SLC43A2: variants seen among roughly 807,000 people sequenced by gnomAD.
SLC43A2 encodes the protein solute carrier family 43 member 2, also known as large neutral amino acids transporter small subunit 4.
In SLC43A2, 38 loss-of-function variants were observed where a neutral mutation model predicts 63.2. The observed-to-expected ratio is 0.60, with a 90% confidence interval of 0.46 to 0.79. SLC43A2 has a LOEUF of 0.79. SLC43A2 is among the 30% of genes least tolerant of loss of function. The pLI is 0.00. For missense variants in SLC43A2, 644 were observed against 756.2 expected (o/e 0.85, Z 1.74); for synonymous variants, 322 against 331.0 (o/e 0.97, Z 0.30).
intron 5 of SLC43A2, among the ~76,000 whole-genome samples, chr17:1,604,216 T>A (rs1567634746): frequency 6.7e-6 from 1 of 150,356 alleles, no homozygotes; most frequent in African/African-American, 2.4e-5. Context: ...GCCCAGCTAA[T>A]TTTTTTTTTG....
intron 5 of SLC43A2, among the ~76,000 whole-genome samples, chr17:1,598,117 C>T (rs756097961): frequency 2.6e-5 from 4 of 151,820 alleles, no homozygotes; most frequent in Non-Finnish European, 4.4e-5. Context: ...GCACAGCCGG[C>T]GCAAAGAAAG....
chr17:1,589,521 C>T (rs1440105876), intron 9 of SLC43A2, among the ~76,000 whole-genome samples: 1 of 152,182 alleles, frequency 6.6e-6, no homozygotes, highest in Non-Finnish European at 1.5e-5. Flanking sequence ...GTTCACATCA[C>T]TGCACTCCAG....
chr17:1,575,203 C>T lies in SLC43A2; in HGVS notation c.*401G>A, dbSNP rs1057123. The stretch of plus-strand genomic sequence containing the variant: ...GCAAGCCTTTGTCCTCAGGCAGGTA[C>T]GGCTGTGGGCATGCAGCCGAGGGGC... On this transcript the variant is annotated 3_prime_UTR_variant, in exon 14 of 14. Coordinates refer to ENST00000301335, the MANE Select transcript of SLC43A2 (RefSeq NM_152346.3). 28,222 of 311,278 alleles carry T rather than the reference C, an allele frequency of 0.091. 1,476 individuals are homozygous for T. The highest frequency in any genetic ancestry group is 0.17 in the Admixed American group (3,375 of 20,394). The allele number at this position is 311,278 out of a possible 1,614,324, so 19.3% of individuals were successfully genotyped here. A position where few individuals can be genotyped will look rare whatever the true frequency, so the allele number is the denominator to read the frequency against.
chr17:1,586,928 T>TCACCCCCCCC, intron 9 of SLC43A2: 1 of 1,232,914 alleles, frequency 8.1e-7, no homozygotes, highest in Non-Finnish European at 1.1e-6. Flanking sequence ...TCCCTGACAA[T>TCACCCCCCCC]CCCCCCCACC....
At chr17:1,616,390 C>A in intron 3 of SLC43A2, 172 bp downstream of exon 3, 1 of 664,330 alleles carries the variant, frequency 1.5e-6, no homozygotes, top group Non-Finnish European at 2.5e-6. Context: ...CGGCGAGGAC[C>A]ACAGTACCTG....
In SLC43A2 at chr17:1,575,891, G is replaced by T. The variant is rs529564557; in HGVS notation, c.1549-126C>A. ...GTGGAAGGGGGAACGAAACAGGAAG[G>T]CCCACGAGGTCCCATATGCCAGCGT... On this transcript the variant is annotated intron_variant, in intron 13 of 13. Transcript: ENST00000301335. The T allele has an allele frequency of 1.4e-5, 16 of 1,106,294 alleles. No homozygotes were observed. The Admixed American group carries it at 4.1e-4, about 28-fold the overall frequency. The allele number at this position is 1,106,294 out of a possible 1,614,324, so 68.5% of individuals were successfully genotyped here.
intron 5 of SLC43A2, among the ~76,000 whole-genome samples, chr17:1,600,152 A>ATATATATATATATATATATATTT (rs1216616243): frequency 3.3e-5 from 2 of 60,280 alleles, no homozygotes; most frequent in Non-Finnish European, 6.4e-5. Context: ...ATATATATAT[A>ATATATATATATATATATATATTT]TTTTTTTTTT....
upstream of SLC43A2, among the ~76,000 whole-genome samples, chr17:1,629,829 C>T (rs1363899599): frequency 1.3e-5 from 2 of 152,204 alleles, no homozygotes; most frequent in African/African-American, 4.8e-5. Flanking sequence ...GCCCGGGCTC[C>T]GAAAGCTCAG....
intron 5 of SLC43A2, among the ~76,000 whole-genome samples, chr17:1,597,516 G>C (rs1481460699): frequency 9.0e-6 from 1 of 111,602 alleles, no homozygotes; most frequent in African/African-American, 3.5e-5. Flanking sequence ...AAAAAGAAAT[G>C]AGGCCGGGCG....
At position 1,606,331 on chromosome 17, in the gene SLC43A2, A is replaced by G. The variant is rs1906612068; in HGVS notation, c.501+6864T>C. On this transcript the variant is annotated intron_variant, in intron 5 of 13. Coordinates refer to ENST00000301335, the MANE Select transcript of SLC43A2 (RefSeq NM_152346.3). This position sits in a 1 kb window ranked among gnomAD's most constrained non-coding sequence, Gnocchi z 4.7. Reference sequence around the variant, plus strand: ...CTGAAGAGGGATGTTTATCCTCTTCACTTCCCTCAGATCCCACCTCCCATG... The same window carrying G: ...CTGAAGAGGGATGTTTATCCTCTTCGCTTCCCTCAGATCCCACCTCCCATG... Among the ~76,000 whole-genome samples the G allele has an allele frequency of 6.6e-6, 1 of 152,142 alleles. No homozygotes were observed. Among genetic ancestry groups the G allele is most frequent in the Non-Finnish European group, 1.5e-5 (1 of 68,026 alleles).
intron 5 of SLC43A2, among the ~76,000 whole-genome samples, chr17:1,599,679 C>T (rs1477769896): frequency 3.4e-5 from 5 of 147,750 alleles, no homozygotes; most frequent in South Asian, 2.2e-4. Flanking sequence ...CCAGCCTGGG[C>T]AACACAGTTA....
At chr17:1,590,073 A>G (rs1904602533) in intron 9 of SLC43A2, among the ~76,000 whole-genome samples, 2 of 152,184 alleles carry the variant, frequency 1.3e-5, no homozygotes, top group South Asian at 2.1e-4. Flanking sequence ...CAAGGAAACC[A>G]TCGGAAAAAG....
chr17:1,596,899 C>G (rs1905329030), intron 5 of SLC43A2, among the ~76,000 whole-genome samples: 1 of 152,224 alleles, frequency 6.6e-6, no homozygotes, highest in African/African-American at 2.4e-5. Context: ...TGAGATACCA[C>G]TTGATACCCA....
intron 5 of SLC43A2, among the ~76,000 whole-genome samples, chr17:1,596,500 A>C (rs1905284636): frequency 6.6e-6 from 1 of 152,252 alleles, no homozygotes; most frequent in East Asian, 1.9e-4. Flanking sequence ...AGAATATATA[A>C]ACATAGTGCC....
At chr17:1,596,611 G>A (rs1440395437) in intron 5 of SLC43A2, among the ~76,000 whole-genome samples, 6 of 151,412 alleles carry the variant, frequency 4.0e-5, no homozygotes, top group Admixed American at 1.3e-4. Context: ...ATGGAGTCTC[G>A]CTCTGTCTCC....
At position 1,616,622 on chromosome 17, in the gene SLC43A2, G is replaced by A. The variant is rs1452388274; in HGVS notation, c.308C>T (p.Thr103Ile). 1.9e-6 allele frequency: 3 copies of A among 1,614,126 alleles called. No individual in the cohort carries two copies. Among genetic ancestry groups the A allele is most frequent in the Non-Finnish European group, 2.5e-6 (3 of 1,180,002 alleles). The change falls in exon 3 of 14, where the codon ACC becomes ATC. Residue 103 changes from threonine (T) to isoleucine (I), a missense_variant. Transcript: ENST00000301335. The stretch of plus-strand genomic sequence containing the variant: ...GTCCATGACGATACCCAGGGGCAGG[G>A]TGATGGCACTGAGCAGAAAGGAGCC... The part of the protein sequence containing the change: ...TVGSFLLSAI[T>I]LPLGIVMDKY...
intron 3 of SLC43A2, among the ~76,000 whole-genome samples, chr17:1,615,707 G>A (rs1907567685): frequency 1.3e-5 from 2 of 148,932 alleles, no homozygotes; most frequent in African/African-American, 4.9e-5. Context: ...GCCGGGCGTG[G>A]TGGCAGGCGC....
intron 2 of SLC43A2, among the ~76,000 whole-genome samples, chr17:1,618,157 G>A (rs1207415292): frequency 5.9e-5 from 9 of 152,348 alleles, no homozygotes; most frequent in Admixed American, 1.3e-4. Context: ...AGGTGGACTC[G>A]TGCTTCATGC....
chr17:1,576,800 C>T, intron 12 of SLC43A2, 80 bp from the exon 13 acceptor site: 1 of 1,538,306 alleles, frequency 6.5e-7, no homozygotes, highest in Non-Finnish European at 8.7e-7. Flanking sequence ...CCCCGGGCTG[C>T]ACCGTTGGTG....
Sources: allele counts gnomAD v4.1 joint callset (sites outside exome capture counted in the v4.1 genomes callset), GRCh38; gene constraint gnomAD v4.1.1; non-coding constraint Gnocchi (gnomAD v3.1); transcripts MANE v1.5; gene names NCBI Gene and HGNC (gene_info 2026-07-23, HGNC 2026-07-21).